PPIP5K2: variants seen among roughly 807,000 people sequenced by gnomAD.
PPIP5K2 encodes the protein diphosphoinositol pentakisphosphate kinase 2, also known as inositol hexakisphosphate and diphosphoinositol-pentakisphosphate kinase 2.
A neutral mutation model predicts 154.6 loss-of-function variants in PPIP5K2; 105 were observed. The ratio of observed to expected loss-of-function variants is 0.68; its 90% CI spans 0.58 to 0.80. The LOEUF is 0.80. Among genes scored for constraint, PPIP5K2 ranks in the 30% least tolerant of loss-of-function variants. PPIP5K2 has a pLI of 0.00. For missense variants in PPIP5K2, 992 were observed against 1,504.6 expected (o/e 0.66, Z 5.64); for synonymous variants, 480 against 490.3 (o/e 0.98, Z 0.28).
At chr5:103,137,752 CAG>C (rs1444930460) in intron 4 of PPIP5K2, among the ~76,000 whole-genome samples, 1 of 151,896 alleles carries the variant, frequency 6.6e-6, no homozygotes, top group Non-Finnish European at 1.5e-5. Flanking sequence ...TCTATTCTTC[CAG>C]AGAGTAACAT....
intron 26 of PPIP5K2, among the ~76,000 whole-genome samples, chr5:103,185,896 G>C (rs782547786): frequency 2.0e-5 from 3 of 149,906 alleles, no homozygotes; most frequent in Non-Finnish European, 3.0e-5. Context: ...TAAAAATACT[G>C]ATTTTATATG....
chr5:103,134,234 T>C (rs550640134), intron 3 of PPIP5K2, among the ~76,000 whole-genome samples: 44 of 152,184 alleles, frequency 2.9e-4, no homozygotes, highest in Non-Finnish European at 5.0e-4. Flanking sequence ...CTATATCTTA[T>C]TAATCAAACT....
At chr5:103,193,169 C>A (rs1298315258) in intron 29 of PPIP5K2, among the ~76,000 whole-genome samples, 2 of 152,030 alleles carry the variant, frequency 1.3e-5, no homozygotes, top group Non-Finnish European at 2.9e-5. Flanking sequence ...AGACTAAAAT[C>A]CAGGTCTTCT....
chr5:103,130,652 A>G (rs1483850845), intron 2 of PPIP5K2, among the ~76,000 whole-genome samples: 3 of 152,188 alleles, frequency 2.0e-5, no homozygotes, highest in Non-Finnish European at 4.4e-5. Context: ...CTGAAAAACT[A>G]GATTTTCAGG....
Position 103,209,074 on chromosome 5 carries a change from G to T in PPIP5K2, c.*7440G>T, listed in dbSNP as rs922056992. The T allele has an allele frequency of 6.6e-6, 1 of 152,146 alleles. No homozygotes were observed. The highest frequency in any genetic ancestry group is 1.5e-5 in the Non-Finnish European group (1 of 68,022). 9.4% of individuals were successfully genotyped at this position (152,146 alleles called of 1,614,324 possible). A position where few individuals can be genotyped will look rare whatever the true frequency, so the allele number is the denominator to read the frequency against. On this transcript the variant is annotated 3_prime_UTR_variant, in exon 31 of 31. Transcript: ENST00000358359. Reference sequence around the variant, plus strand: ...TAAAAATGAAGTTAATATCTGTCCTGCTAACAGTAGTGTTGTCAGAATCAA... The same window carrying T: ...TAAAAATGAAGTTAATATCTGTCCTTCTAACAGTAGTGTTGTCAGAATCAA...
intron 18 of PPIP5K2, 71 bp downstream of exon 18, chr5:103,167,391 C>T: frequency 8.0e-7 from 1 of 1,253,654 alleles, no homozygotes; most frequent in Non-Finnish European, 1.1e-6. Flanking sequence ...ATATATGATG[C>T]ACCAATCTTG....
At chr5:103,153,663 A>C (rs1794976086) in intron 10 of PPIP5K2, among the ~76,000 whole-genome samples, 185 bp from the exon 11 acceptor site, 2 of 151,998 alleles carry the variant, frequency 1.3e-5, no homozygotes, top group South Asian at 4.1e-4. Context: ...CAGCTTCTTA[A>C]GTTCTTTTTG....
rs1554203243 is a variant in PPIP5K2, at chr5:103,133,457, C to A, written c.119C>A (p.Pro40Gln). Residue 40 changes from proline to glutamine, a missense_variant, in exon 3 of 31, where the codon CCA (proline) becomes CAA (glutamine). Coordinates refer to ENST00000358359, the MANE Select transcript of PPIP5K2 (RefSeq NM_001276277.3). ...TTTGTTTCATTTTTGTTTTAGCCAC[C>A]AGAAAGGCAGATTGTGGTTGGAATA... ...EDDEEEDDSP[P>Q]ERQIVVGICS... The A allele has an allele frequency of 6.3e-7, 1 of 1,599,066 alleles. No individual in the cohort carries two copies. Among genetic ancestry groups the A allele is most frequent in the African/African-American group, 1.4e-5 (1 of 73,974 alleles).
chr5:103,174,151 C>G (rs1321550591), intron 21 of PPIP5K2, 179 bp downstream of exon 21: 1 of 497,366 alleles, frequency 2.0e-6, no homozygotes. Flanking sequence ...TAAAGATGTT[C>G]TCTTCAGAGA....
chr5:103,141,217 C>T (rs1554206600), intron 5 of PPIP5K2, among the ~76,000 whole-genome samples: 1 of 152,180 alleles, frequency 6.6e-6, no homozygotes, highest in South Asian at 2.1e-4. Flanking sequence ...AATGAAGCCG[C>T]AGACCCTCGC....
At chr5:103,137,394 C>T (rs1422949517) in intron 4 of PPIP5K2, among the ~76,000 whole-genome samples, 1 of 152,076 alleles carries the variant, frequency 6.6e-6, no homozygotes, top group Admixed American at 6.6e-5. Flanking sequence ...GATCTCCTGA[C>T]CTTGTGATCC....
chr5:103,142,917 G>A (rs1793090253), intron 5 of PPIP5K2, among the ~76,000 whole-genome samples: 1 of 151,946 alleles, frequency 6.6e-6, no homozygotes, highest in Admixed American at 6.6e-5. Flanking sequence ...AGACTAAAAG[G>A]CAAACCTGTC....
At chr5:103,173,784 A>G (rs1798315518) in intron 20 of PPIP5K2, 74 bp from the exon 21 acceptor site, 8 of 988,526 alleles carry the variant, frequency 8.1e-6, no homozygotes, top group Non-Finnish European at 1.2e-5. Context: ...ATTTAATTTT[A>G]GAAAATAATT....
rs930859085 is a variant in PPIP5K2 at position 103,210,315 on chromosome 5, G to A, written c.*8681G>A. 5 of 152,162 alleles carry A rather than the reference G, an allele frequency of 3.3e-5. No homozygotes were observed. The highest frequency in any genetic ancestry group is 1.2e-4 in the African/African-American group (5 of 41,450). 9.4% of individuals were successfully genotyped at this position (152,162 alleles called of 1,614,324 possible). A position where few individuals can be genotyped will look rare whatever the true frequency, so the allele number is the denominator to read the frequency against. On this transcript the variant is annotated 3_prime_UTR_variant, in exon 31 of 31. Transcript: ENST00000358359. The stretch of plus-strand genomic sequence containing the variant: ...TTACCATATGCTTTCCACAGGCTGA[G>A]CAAGAGGATAGATCATTGAATAGAT...
Position 103,184,695 on chromosome 5 carries a change from C to A in PPIP5K2, c.3120C>A (p.Tyr1040Ter). The change falls in exon 26 of 31, where the codon TAC becomes TAA. Residue 1040 changes from tyrosine to a stop codon, truncating the protein, a stop_gained. Coordinates refer to ENST00000358359, the MANE Select transcript of PPIP5K2 (RefSeq NM_001276277.3). LOFTEE classifies it high-confidence loss of function. Reference sequence around the variant, plus strand: ...AGGTTGTATCTGAAAATGCTAATTACCTGAGAACACCAAGAACTCTTGTGG... The same window carrying A: ...AGGTTGTATCTGAAAATGCTAATTAACTGAGAACACCAAGAACTCTTGTGG... ...WQQVVSENAN[Y>*]LRTPRTLVEQ... is the part of the protein sequence containing the mutation. 1.2e-6 allele frequency: 2 copies of A among 1,612,300 alleles called. No individual in the cohort carries two copies. Among genetic ancestry groups the A allele is most frequent in the African/African-American group, 1.3e-5 (1 of 74,916 alleles).
chr5:103,163,754 A>G (rs1430288752), intron 17 of PPIP5K2, among the ~76,000 whole-genome samples: 3 of 151,924 alleles, frequency 2.0e-5, no homozygotes, highest in Admixed American at 2.0e-4. Flanking sequence ...TTCATCTATT[A>G]TATCTTACAG....
chr5:103,184,760 G>A lies in PPIP5K2; in HGVS notation c.3169+16G>A. 6.3e-7 allele frequency: 1 copy of A among 1,598,894 alleles called. No individual in the cohort carries two copies. Among genetic ancestry groups the A allele is most frequent in the Non-Finnish European group, 8.6e-7 (1 of 1,166,718 alleles). ...CCTACTGTAGGTATGTGGTGTAAAG[G>A]AAATTGTGTTCCATACCCTTCTTAA... On this transcript the variant is annotated intron_variant, in intron 26 of 30. Transcript: ENST00000358359.
chr5:103,138,092 C>T (rs1272926255), intron 4 of PPIP5K2, among the ~76,000 whole-genome samples: 4 of 152,102 alleles, frequency 2.6e-5, no homozygotes, highest in African/African-American at 9.7e-5. Context: ...ATAATATCAA[C>T]TTTATTCAGC....
intron 28 of PPIP5K2, chr5:103,188,904 G>A: frequency 5.9e-6 from 2 of 339,666 alleles, no homozygotes; most frequent in Non-Finnish European, 5.3e-6. Context: ...ATGCACATAA[G>A]GTGCATTCTT....
Sources: allele counts gnomAD v4.1 joint callset (sites outside exome capture counted in the v4.1 genomes callset), GRCh38; gene constraint gnomAD v4.1.1; transcripts MANE v1.5; gene names NCBI Gene and HGNC (gene_info 2026-07-23, HGNC 2026-07-21).